Variants in OR5D3 observed in about 807,000 individuals in gnomAD.
OR5D3 encodes the protein olfactory receptor family 5 subfamily D member 3.
chr11:55,727,738 A>G, the OR5D3 span: 1 of 152,050 alleles, frequency 6.6e-6, no homozygotes, highest in African/African-American at 2.4e-5. Flanking sequence ...TTTTGCAAAT[A>G]AATGCCCATC....
At chr11:55,723,950 G>T in the OR5D3 span, 2 of 397,190 alleles carry the variant, frequency 5.0e-6, no homozygotes, top group Non-Finnish European at 8.9e-6. Context: ...TTGTTTTCAG[G>T]TTTGTTTCTA....
At chr11:55,727,847 A>G in the OR5D3 span, 1 of 152,050 alleles carries the variant, frequency 6.6e-6, no homozygotes, top group Non-Finnish European at 1.5e-5. Flanking sequence ...TTTGTAAGAA[A>G]TAATATAGAG....
At chr11:55,726,406 C>A in the OR5D3 span, 2 of 474,616 alleles carry the variant, frequency 4.2e-6, no homozygotes, top group Non-Finnish European at 3.9e-6. Flanking sequence ...TTTCCTCAGC[C>A]ACTTGTCCTT....
chr11:55,726,776 C>T, the OR5D3 span: 1 of 398,936 alleles, frequency 2.5e-6, no homozygotes, highest in Non-Finnish European at 4.4e-6. Flanking sequence ...GTTGCTGTGT[C>T]CTGCTCTGAC....
chr11:55,728,993 G>C, the OR5D3 span: 2 of 152,060 alleles, frequency 1.3e-5, no homozygotes, highest in East Asian at 3.9e-4. Flanking sequence ...AGGTTTCCAG[G>C]ATAAAGTTAG....
the OR5D3 span, chr11:55,726,648 G>A: frequency 2.5e-6 from 1 of 400,232 alleles, no homozygotes; most frequent in East Asian, 3.6e-5. Context: ...CCTTGTTAGT[G>A]GCTGCATCAT....
the OR5D3 span, chr11:55,723,935 T>C: frequency 7.6e-6 from 3 of 396,504 alleles, no homozygotes; most frequent in Non-Finnish European, 1.3e-5. Flanking sequence ...TCGACACTCC[T>C]ACTGTTGTTT....
chr11:55,726,188 G>A, the OR5D3 span: 1 of 398,142 alleles, frequency 2.5e-6, no homozygotes, highest in East Asian at 3.6e-5. Flanking sequence ...TACTTCTCTG[G>A]ATCAACTTTC....
the OR5D3 span, chr11:55,723,966 T>G: frequency 2.5e-6 from 1 of 397,854 alleles, no homozygotes; most frequent in Non-Finnish European, 4.4e-6. Context: ...TTCTATTAAT[T>G]AAGTGCTAAG....
the OR5D3 span, chr11:55,726,363 G>T: frequency 2.1e-6 from 1 of 469,260 alleles, no homozygotes; most frequent in African/African-American, 2.0e-5. Context: ...TGGTCATCAG[G>T]ATCAACCCCA....
the OR5D3 span, among the ~76,000 whole-genome samples, chr11:55,725,191 A>G: frequency 6.6e-6 from 1 of 152,056 alleles, no homozygotes; most frequent in African/African-American, 2.4e-5. Flanking sequence ...TGTGTTTTAT[A>G]ACCACTACAT....
the OR5D3 span, among the ~76,000 whole-genome samples, chr11:55,725,404 C>T: frequency 6.6e-6 from 1 of 151,942 alleles, no homozygotes; most frequent in African/African-American, 2.4e-5. Flanking sequence ...ATGCAATTTT[C>T]CTAAAAACTA....
At chr11:55,725,619 A>T in the OR5D3 span, among the ~76,000 whole-genome samples, 2 of 151,946 alleles carry the variant, frequency 1.3e-5, no homozygotes, top group Non-Finnish European at 2.9e-5. Context: ...TAACATGAAA[A>T]TTTTTTCAAG....
the OR5D3 span, among the ~76,000 whole-genome samples, chr11:55,724,806 A>T: frequency 6.6e-6 from 1 of 152,040 alleles, no homozygotes; most frequent in East Asian, 1.9e-4. Context: ...GTCATAATCT[A>T]GTTTTATAGT....
At chr11:55,726,272 T>A in the OR5D3 span, 37,455 of 408,540 alleles carry the variant, frequency 0.092, 2,000 homozygotes, top group African/African-American at 0.16. Flanking sequence ...TTCTCAGAAT[T>A]TCCAGACCTT....
chr11:55,724,110 G>A, the OR5D3 span: 444 of 396,038 alleles, frequency 1.1e-3, 8 homozygotes, highest in African/African-American at 8.3e-3. Context: ...ACTGAGTTCC[G>A]GTAATCTTAG....
chr11:55,728,379 A>T, the OR5D3 span: 1 of 152,096 alleles, frequency 6.6e-6, no homozygotes, highest in Non-Finnish European at 1.5e-5. Context: ...TTCAAAATTG[A>T]TTGAAACATT....
At chr11:55,728,322 G>C in the OR5D3 span, 1 of 152,054 alleles carries the variant, frequency 6.6e-6, no homozygotes, top group Non-Finnish European at 1.5e-5. Context: ...AGAACTGCAA[G>C]ATTACAAGTC....
the OR5D3 span, chr11:55,726,597 C>A: frequency 8.7e-5 from 35 of 403,404 alleles, no homozygotes; most frequent in Non-Finnish European, 3.5e-5. Context: ...CAGTGTGTAA[C>A]CCTCTGCTTT....
Sources: gnomAD v4.1 joint callset for allele counts (sites outside exome capture counted in the v4.1 genomes callset) on GRCh38, gnomAD v4.1.1 for gene constraint, MANE v1.5 for transcripts, NCBI Gene and HGNC (gene_info 2026-07-23, HGNC 2026-07-21) for gene names.